The following CLYBL variants were observed in gnomAD, a reference collection of about 807,000 sequenced individuals.
CLYBL encodes citramalyl-CoA lyase.
In CLYBL, 31 loss-of-function variants were observed where a neutral mutation model predicts 38.9. The observed-to-expected ratio is 0.80, with a 90% confidence interval of 0.60 to 1.08. The LOEUF (loss-of-function observed/expected upper bound fraction) is 1.08. CLYBL is among the 50% of genes least tolerant of loss of function. The probability of loss-of-function intolerance (pLI) is 0.00; values close to 1 mark genes in which losing one functional copy is unlikely to be tolerated. For synonymous variants in CLYBL, 171 were observed against 158.6 expected (o/e 1.08, Z -0.59); for missense variants, 434 against 411.6 (o/e 1.05, Z -0.47).
intron 1 of CLYBL, among the ~76,000 whole-genome samples, chr13:99,739,446 C>G (rs2048716188): frequency 6.6e-6 from 1 of 152,174 alleles, no homozygotes; most frequent in African/African-American, 2.4e-5. Flanking sequence ...AGGGTGTCCC[C>G]CAAGGTGCCT....
intron 2 of CLYBL, among the ~76,000 whole-genome samples, chr13:99,794,212 G>T (rs1404443669): frequency 6.6e-6 from 1 of 152,182 alleles, no homozygotes; most frequent in African/African-American, 2.4e-5. Flanking sequence ...CCTGAGGTCA[G>T]GAGTTCGAGA....
chr13:99,853,742 A>G (rs1282645247), intron 2 of CLYBL, among the ~76,000 whole-genome samples: 1 of 152,190 alleles, frequency 6.6e-6, no homozygotes, highest in Non-Finnish European at 1.5e-5. Flanking sequence ...TTGACTGGTG[A>G]GGATGGTCTA....
chr13:99,746,036 A>AG (rs1341533489), intron 1 of CLYBL, among the ~76,000 whole-genome samples: 1 of 136,666 alleles, frequency 7.3e-6, no homozygotes, highest in Admixed American at 7.1e-5. Flanking sequence ...ACCAAAAAAA[A>AG]AAATTTTTTT....
chr13:99,679,374 C>G (rs1198136405), intron 1 of CLYBL, among the ~76,000 whole-genome samples: 1 of 151,816 alleles, frequency 6.6e-6, no homozygotes, highest in African/African-American at 2.4e-5. Flanking sequence ...TAAATTCTGC[C>G]CTGGATACAT....
chr13:99,833,496 A>G (rs959626050), intron 2 of CLYBL, among the ~76,000 whole-genome samples: 3 of 152,062 alleles, frequency 2.0e-5, no homozygotes, highest in African/African-American at 7.2e-5. Context: ...ACTTATGGGA[A>G]AGTACAAACT....
intron 1 of CLYBL, among the ~76,000 whole-genome samples, chr13:99,640,819 T>G (rs1163884632): frequency 6.6e-6 from 1 of 152,216 alleles, no homozygotes; most frequent in Admixed American, 6.5e-5. Context: ...CTCAGGAAAT[T>G]TGTATGCATG....
intron 7 of CLYBL, among the ~76,000 whole-genome samples, chr13:99,873,781 C>A (rs2139266022): frequency 6.6e-6 from 1 of 152,328 alleles, no homozygotes. Context: ...TCTACCCTTT[C>A]TTCCTGTCCT....
At chr13:99,762,941 G>A (rs2049192768) in intron 1 of CLYBL, among the ~76,000 whole-genome samples, 1 of 152,066 alleles carries the variant, frequency 6.6e-6, no homozygotes, top group East Asian at 1.9e-4. Context: ...ATTATAAATA[G>A]AATTGCTTTC....
chr13:99,838,729 A>G (rs910835517), intron 2 of CLYBL, among the ~76,000 whole-genome samples: 2 of 152,092 alleles, frequency 1.3e-5, no homozygotes, highest in African/African-American at 4.8e-5. Flanking sequence ...TCCGCCTCCC[A>G]GGTTCACGCC....
At chr13:99,640,795 T>C (rs977379943) in intron 1 of CLYBL, among the ~76,000 whole-genome samples, 1 of 152,208 alleles carries the variant, frequency 6.6e-6, no homozygotes, top group Non-Finnish European at 1.5e-5. Flanking sequence ...TTACGACCAA[T>C]AGGATTTTGA....
chr13:99,805,527 A>G (rs1481345020), intron 2 of CLYBL, among the ~76,000 whole-genome samples: 3 of 151,490 alleles, frequency 2.0e-5, no homozygotes, highest in Admixed American at 6.6e-5. Flanking sequence ...CTACCATCCC[A>G]GTGTGCCCGG....
chr13:99,620,861 G>GA (rs1329689530), intron 1 of CLYBL, among the ~76,000 whole-genome samples: 16 of 151,924 alleles, frequency 1.1e-4, no homozygotes, highest in Admixed American at 1.0e-3. Context: ...AAAAAAGAAA[G>GA]AAAATGTCTT....
chr13:99,858,810 G>A, intron 2 of CLYBL, 51 bp from the exon 3 acceptor site: 1 of 1,305,294 alleles, frequency 7.7e-7, no homozygotes, highest in Non-Finnish European at 1.1e-6. Flanking sequence ...ATTTGATGGT[G>A]CTCCCCTCAA....
intron 1 of CLYBL, among the ~76,000 whole-genome samples, chr13:99,621,832 G>A (rs895988605): frequency 1.3e-5 from 2 of 151,918 alleles, no homozygotes; most frequent in African/African-American, 2.4e-5. Flanking sequence ...TCTTCTTCCA[G>A]TGTGGGGCCA....
intron 1 of CLYBL, among the ~76,000 whole-genome samples, chr13:99,616,143 CTT>C (rs34142988): frequency 0.37 from 31,152 of 83,294 alleles, 5,101 homozygotes; most frequent in East Asian, 0.69. Flanking sequence ...CCACGCCTGG[CTT>C]TTTTTTTTTT....
intron 2 of CLYBL, among the ~76,000 whole-genome samples, chr13:99,781,111 ATCTT>A (rs1175863280): frequency 6.7e-6 from 1 of 149,912 alleles, no homozygotes; most frequent in Non-Finnish European, 1.5e-5. Flanking sequence ...TTCTTTTTTC[ATCTT>A]TCTTTCCTTT....
intron 2 of CLYBL, among the ~76,000 whole-genome samples, chr13:99,851,644 T>C (rs1360696198): frequency 1.3e-5 from 2 of 152,122 alleles, no homozygotes; most frequent in African/African-American, 4.8e-5. Flanking sequence ...CACTTGGTGA[T>C]ACCCACGAGG....
intron 1 of CLYBL, among the ~76,000 whole-genome samples, chr13:99,737,764 A>C (rs1250323423): frequency 6.6e-6 from 1 of 152,244 alleles, no homozygotes; most frequent in African/African-American, 2.4e-5. Flanking sequence ...GAGTGGAGTC[A>C]TCCCAACAGA....
At chr13:99,685,697 C>T (rs1016269232) in intron 1 of CLYBL, among the ~76,000 whole-genome samples, 1 of 152,140 alleles carries the variant, frequency 6.6e-6, no homozygotes, top group Non-Finnish European at 1.5e-5. Context: ...CACGGTGGCT[C>T]AAGCCTGTAA....
Sources: allele counts gnomAD v4.1 joint callset (sites outside exome capture counted in the v4.1 genomes callset), GRCh38; gene constraint gnomAD v4.1.1; transcripts MANE v1.5; gene names NCBI Gene and HGNC (gene_info 2026-07-23, HGNC 2026-07-21).